Variants in LPAR1 observed in about 807,000 individuals in gnomAD.
LPAR1 encodes LPA receptor 1.
A neutral mutation model predicts 23.8 loss-of-function variants in LPAR1; 5 were observed. The observed-to-expected ratio is 0.21, with a 90% CI of 0.11 to 0.44. The LOEUF is 0.44. Ranked by LOEUF, LPAR1 falls within the 20% of genes least tolerant of loss-of-function variation. The pLI is 0.99. For missense variants in LPAR1, 311 were observed against 482.8 expected, an observed-to-expected ratio of 0.64 and a Z score of 3.33; for synonymous variants, 160 against 164.7, an observed-to-expected ratio of 0.97 and a Z score of 0.22.
rs537343632 is a variant in LPAR1, at chr9:110,931,559, C to G, written c.793+9862G>C. On this transcript the variant is annotated intron_variant, in intron 5 of 5. Transcript: ENST00000683809. ...CATTTGTCAATTTTGGCTTTTGTTG[C>G]CATTGCTTTTGGTGTTTTAGACATG... Among the ~76,000 whole-genome samples, 42 of 152,264 alleles carry G rather than the reference C, an allele frequency of 2.8e-4. No individual in the cohort carries two copies. In the East Asian group the frequency reaches 6.9e-3, roughly 25 times the overall value.
intron 2 of LPAR1, among the ~76,000 whole-genome samples, chr9:111,008,246 T>A (rs2097259734): frequency 6.6e-6 from 1 of 152,078 alleles, no homozygotes; most frequent in Non-Finnish European, 1.5e-5. Context: ...AAAGTCACAC[T>A]ATAGACGTCT....
At chr9:110,927,668 T>A (rs988980134) in intron 5 of LPAR1, among the ~76,000 whole-genome samples, 3 of 152,116 alleles carry the variant, frequency 2.0e-5, no homozygotes, top group African/African-American at 4.8e-5. Context: ...ATGAATCAAA[T>A]CTTTTTTATA....
intron 2 of LPAR1, among the ~76,000 whole-genome samples, chr9:110,974,449 T>G (rs1375501740): frequency 6.6e-6 from 1 of 152,204 alleles, no homozygotes; most frequent in Non-Finnish European, 1.5e-5. Context: ...TCAGAAGTGC[T>G]GCTTTTCTAA....
intron 2 of LPAR1, among the ~76,000 whole-genome samples, chr9:110,981,464 TATC>T (rs2096665007): frequency 6.6e-6 from 1 of 152,012 alleles, no homozygotes; most frequent in African/African-American, 2.4e-5. Context: ...GAGTAATACT[TATC>T]ATACTGTGAA....
Position 110,874,603 on chromosome 9 carries a change from T to G in LPAR1, c.*818A>C, listed in dbSNP as rs1042781815. ...TACTGGTAATTAGAATGTACTTGGG[T>G]ATTTTAAATATATGGGAACAATATT... On this transcript the variant is annotated 3_prime_UTR_variant, in exon 6 of 6. Coordinates refer to ENST00000683809, the MANE Select transcript of LPAR1 (RefSeq NM_001351411.2). 8 of 152,618 alleles carry G rather than the reference T, an allele frequency of 5.2e-5. No individual in the cohort carries two copies. The South Asian group carries it at 1.0e-3, about 20-fold the overall frequency. 9.5% of individuals were successfully genotyped at this position (152,618 alleles called of 1,614,324 possible). A position where few individuals can be genotyped will look rare whatever the true frequency, so the allele number is the denominator to read the frequency against.
At chr9:111,013,315 A>G (rs531197124) in intron 2 of LPAR1, among the ~76,000 whole-genome samples, 1 of 152,318 alleles carries the variant, frequency 6.6e-6, no homozygotes, top group Non-Finnish European at 1.5e-5. Flanking sequence ...CCAATCCACA[A>G]TAAAGAGGTT....
intron 2 of LPAR1, among the ~76,000 whole-genome samples, chr9:111,027,844 G>T (rs371782627): frequency 7.9e-6 from 1 of 125,802 alleles, no homozygotes; most frequent in African/African-American, 3.2e-5. Flanking sequence ...AGAACTCTGG[G>T]AACATCAACA....
In LPAR1 at chr9:110,882,231, T is replaced by C. The variant is rs560530441; in HGVS notation, c.794-6509A>G. 7.9e-5 allele frequency among the ~76,000 whole-genome samples: 12 copies of C among 152,258 alleles called. No homozygotes were observed. In the South Asian group the frequency reaches 2.5e-3, roughly 32 times the overall value. ...TACATGTTTATTGTTTTATCTTCCC[T>C]CAACAAGAATATTAACTTCATGAAG... On this transcript the variant is annotated intron_variant, in intron 5 of 5. Coordinates refer to ENST00000683809, the MANE Select transcript of LPAR1 (RefSeq NM_001351411.2).
intron 2 of LPAR1, among the ~76,000 whole-genome samples, chr9:110,980,607 A>ACTAGATACCAGGAAGC (rs1402512253): frequency 1.3e-5 from 2 of 151,758 alleles, no homozygotes; most frequent in Non-Finnish European, 2.9e-5. Context: ...GATAGTGCTT[A>ACTAGATACCAGGAAGC]CTAGATACCA....
At chr9:110,922,413 GA>G (rs2093692909) in intron 5 of LPAR1, among the ~76,000 whole-genome samples, 1 of 152,082 alleles carries the variant, frequency 6.6e-6, no homozygotes, top group African/African-American at 2.4e-5. Context: ...ACTCAGTGTG[GA>G]ACAGAAAATG....
intron 5 of LPAR1, among the ~76,000 whole-genome samples, chr9:110,891,555 C>T (rs1221713348): frequency 1.3e-5 from 2 of 152,048 alleles, no homozygotes; most frequent in African/African-American, 4.8e-5. Flanking sequence ...AATCTAAAAA[C>T]GGATCTCTGC....
chr9:110,942,718 T>G (rs1230063077), intron 4 of LPAR1, among the ~76,000 whole-genome samples: 5 of 152,202 alleles, frequency 3.3e-5, no homozygotes, highest in African/African-American at 1.2e-4. Flanking sequence ...AAAGGTTTTT[T>G]GCCCAAAGCC....
chr9:110,968,655 T>C (rs2096299184), intron 4 of LPAR1, among the ~76,000 whole-genome samples: 1 of 152,150 alleles, frequency 6.6e-6, no homozygotes, highest in Admixed American at 6.6e-5. Flanking sequence ...TGACAAAGCG[T>C]TGTAACTTTT....
At chr9:110,911,660 G>C (rs1161340953) in intron 5 of LPAR1, among the ~76,000 whole-genome samples, 1 of 152,124 alleles carries the variant, frequency 6.6e-6, no homozygotes. Context: ...ATGACTGTTA[G>C]CATTTTTAAA....
At chr9:110,885,774 C>T (rs1264868655) in intron 5 of LPAR1, among the ~76,000 whole-genome samples, 1 of 152,214 alleles carries the variant, frequency 6.6e-6, no homozygotes, top group Non-Finnish European at 1.5e-5. Context: ...TTAAGACTGA[C>T]TTACCAGGCC....
At chr9:110,965,115 G>C (rs1487137159) in intron 4 of LPAR1, among the ~76,000 whole-genome samples, 1 of 151,984 alleles carries the variant, frequency 6.6e-6, no homozygotes, top group African/African-American at 2.4e-5. Context: ...TGATCCACCA[G>C]TCTCAACCTC....
chr9:110,897,055 G>A (rs993493577), intron 5 of LPAR1, among the ~76,000 whole-genome samples: 11 of 152,158 alleles, frequency 7.2e-5, no homozygotes, highest in Admixed American at 6.5e-4. Flanking sequence ...CCAAAGTGCT[G>A]AGATTACAGG....
At chr9:110,962,294 GA>G (rs760110856) in intron 4 of LPAR1, among the ~76,000 whole-genome samples, 3 of 152,276 alleles carry the variant, frequency 2.0e-5, no homozygotes, top group African/African-American at 7.2e-5. Flanking sequence ...ATTGAGCTGG[GA>G]TGCTTCCTGG....
intron 5 of LPAR1, among the ~76,000 whole-genome samples, chr9:110,927,636 A>T (rs2094135816): frequency 6.6e-6 from 1 of 152,292 alleles, no homozygotes; most frequent in Non-Finnish European, 1.5e-5. Flanking sequence ...ACATATTAGA[A>T]TAAATTTGAT....
Sources: allele counts gnomAD v4.1 joint callset (sites outside exome capture counted in the v4.1 genomes callset), GRCh38; gene constraint gnomAD v4.1.1; transcripts MANE v1.5; gene names NCBI Gene and HGNC (gene_info 2026-07-23, HGNC 2026-07-21).